Variants in ROBO1 observed in about 807,000 individuals in gnomAD.
ROBO1 encodes roundabout guidance receptor 1, also known as roundabout homolog 1.
In ROBO1, 149 loss-of-function variants were observed where a neutral mutation model predicts 195.9. The ratio of observed to expected loss-of-function variants is 0.76; its 90% CI spans 0.67 to 0.87. The LOEUF is 0.87. Ranked by LOEUF, ROBO1 falls within the 40% of genes least tolerant of loss-of-function variation. ROBO1 has a pLI of 0.00. For synonymous variants in ROBO1, 816 were observed against 733.2 expected, an observed-to-expected ratio of 1.11 and a Z score of -1.82; for missense variants, 1,933 against 2,068.3, an observed-to-expected ratio of 0.93 and a Z score of 1.27.
chr3:79,313,043 AG>A (rs1168899618), intron 2 of ROBO1, among the ~76,000 whole-genome samples: 1 of 151,886 alleles, frequency 6.6e-6, no homozygotes, highest in Non-Finnish European at 1.5e-5. Context: ...AAAAATTAGC[AG>A]GGGGCGGTGG....
At chr3:79,358,479 T>G (rs2109295834) in intron 2 of ROBO1, among the ~76,000 whole-genome samples, 1 of 152,168 alleles carries the variant, frequency 6.6e-6, no homozygotes. Flanking sequence ...CAGTTAGAAG[T>G]TAATAGTGAT....
intron 4 of ROBO1, among the ~76,000 whole-genome samples, chr3:78,910,263 A>G (rs1459485997): frequency 6.6e-6 from 1 of 151,878 alleles, no homozygotes; most frequent in Non-Finnish European, 1.5e-5. Context: ...TCACATTTCA[A>G]GCCACTTTAT....
At chr3:79,084,817 C>T (rs1053712047) in intron 3 of ROBO1, among the ~76,000 whole-genome samples, 1 of 151,858 alleles carries the variant, frequency 6.6e-6, no homozygotes, top group Non-Finnish European at 1.5e-5. Context: ...CAAGAGGATT[C>T]AGTAAAATTT....
At chr3:79,387,424 GTA>G (rs1187995383) in intron 2 of ROBO1, among the ~76,000 whole-genome samples, 1 of 150,378 alleles carries the variant, frequency 6.6e-6, no homozygotes, top group African/African-American at 2.4e-5. Flanking sequence ...CATAATTTGT[GTA>G]TATATATACA....
At chr3:79,762,081 T>C (rs1179820711) in intron 1 of ROBO1, among the ~76,000 whole-genome samples, 1 of 152,200 alleles carries the variant, frequency 6.6e-6, no homozygotes, top group Non-Finnish European at 1.5e-5. Context: ...TTAGTATCTT[T>C]AGGGTGCTAC....
At chr3:78,702,905 C>A (rs2081453375) in intron 8 of ROBO1, among the ~76,000 whole-genome samples, 1 of 152,164 alleles carries the variant, frequency 6.6e-6, no homozygotes, top group African/African-American at 2.4e-5. Flanking sequence ...TCAATTATTT[C>A]TTGTACCTGA....
intron 1 of ROBO1, among the ~76,000 whole-genome samples, chr3:79,613,207 T>C (rs936281950): frequency 1.3e-4 from 20 of 152,144 alleles, no homozygotes; most frequent in Admixed American, 1.2e-3. Flanking sequence ...ACTGCTTTAT[T>C]TGAAGGTTAA....
At chr3:78,903,966 A>G (rs1409817325) in intron 4 of ROBO1, among the ~76,000 whole-genome samples, 2 of 151,846 alleles carry the variant, frequency 1.3e-5, no homozygotes, top group African/African-American at 2.4e-5. Flanking sequence ...AAAATAGAAG[A>G]AAAAAAATTT....
chr3:78,684,436 T>A (rs1241019978), intron 10 of ROBO1, among the ~76,000 whole-genome samples: 4 of 152,148 alleles, frequency 2.6e-5, no homozygotes, highest in Admixed American at 2.0e-4. Flanking sequence ...TTGGAAATGT[T>A]CCATATCTTG....
chr3:78,977,896 C>T lies in ROBO1; in HGVS notation c.173-38969G>A, dbSNP rs1035641196. 2.8e-4 allele frequency among the ~76,000 whole-genome samples: 43 copies of T among 152,026 alleles called. 1 individual carries two copies. The highest frequency in any genetic ancestry group is 2.0e-4 in the Admixed American group (3 of 15,242). On this transcript the variant is annotated intron_variant, in intron 3 of 30. Coordinates refer to ENST00000464233, the MANE Select transcript of ROBO1 (RefSeq NM_002941.4). ...ATGTTTTTAATATCTATATAGTAAGCTGTTTTAATGTATATAAATGAATTT... is the reference window on the plus strand; with the variant it reads ...ATGTTTTTAATATCTATATAGTAAGTTGTTTTAATGTATATAAATGAATTT...
chr3:79,381,375 AAAG>A (rs2036570761), intron 2 of ROBO1, among the ~76,000 whole-genome samples: 2 of 70,142 alleles, frequency 2.9e-5, no homozygotes, highest in African/African-American at 6.9e-5. Flanking sequence ...AAAAAAAAAA[AAAG>A]AAAAGAAAAG....
intron 2 of ROBO1, among the ~76,000 whole-genome samples, chr3:79,364,041 A>G (rs1373614967): frequency 6.6e-6 from 1 of 151,868 alleles, no homozygotes; most frequent in South Asian, 2.1e-4. Context: ...CGTCTCTACT[A>G]AAAATACAAA....
intron 1 of ROBO1, among the ~76,000 whole-genome samples, chr3:79,631,256 G>A (rs1309653422): frequency 1.3e-5 from 2 of 151,676 alleles, no homozygotes; most frequent in African/African-American, 2.4e-5. Context: ...CTGTAGTAAC[G>A]AAAACAGTAT....
intron 2 of ROBO1, among the ~76,000 whole-genome samples, chr3:79,545,838 T>C (rs1335809514): frequency 3.3e-5 from 5 of 152,184 alleles, no homozygotes; most frequent in Non-Finnish European, 5.9e-5. Flanking sequence ...AATGTTTGCA[T>C]GGGTGGCCCA....
At position 78,668,511 on chromosome 3, in the gene ROBO1, T is replaced by G; in HGVS notation, c.1603A>C (p.Thr535Pro). Residue 535 changes from threonine to proline, a missense_variant, in exon 12 of 31, where the codon ACA (threonine) becomes CCA (proline). Thr to Pro is a conservative substitution (Grantham distance 38). Around this residue, in one of 3 missense-constraint regions of ROBO1, gnomAD observed 1,737 missense variants for 1,882.5 expected, o/e 0.92. Transcript: ENST00000464233. ...CIASTPSGEA[T>P]WSAYIEVQEF... ...TGAACTTCAATGTAAGCACTCCATG[T>G]TGCTTCACCACTGGGGGTTGATGCA... 6.2e-7 allele frequency: 1 copy of G among 1,613,892 alleles called. No homozygotes were observed. The highest frequency in any genetic ancestry group is 8.5e-7 in the Non-Finnish European group (1 of 1,179,812).
At chr3:78,978,689 A>G (rs1400027912) in intron 3 of ROBO1, among the ~76,000 whole-genome samples, 4 of 152,136 alleles carry the variant, frequency 2.6e-5, no homozygotes, top group African/African-American at 7.2e-5. Context: ...TTTCCATAAT[A>G]TTCTGCACGA....
At chr3:79,406,438 G>T (rs930034364) in intron 2 of ROBO1, among the ~76,000 whole-genome samples, 4 of 151,256 alleles carry the variant, frequency 2.6e-5, no homozygotes, top group Non-Finnish European at 1.5e-5. Flanking sequence ...CTCAAAAAAA[G>T]ATAATAATAA....
intron 1 of ROBO1, among the ~76,000 whole-genome samples, chr3:79,650,171 A>T (rs1288423961): frequency 6.6e-6 from 1 of 151,954 alleles, no homozygotes; most frequent in Non-Finnish European, 1.5e-5. Flanking sequence ...TCCAATAAAA[A>T]CTACAAATCT....
At chr3:79,450,335 G>GGA (rs35160191) in intron 2 of ROBO1, among the ~76,000 whole-genome samples, 88,802 of 150,524 alleles carry the variant, frequency 0.59, 26,437 homozygotes, top group African/African-American at 0.64. Flanking sequence ...AGGGTGCTGG[G>GGA]GAGAGAGGGA....
Sources: allele counts gnomAD v4.1 joint callset (sites outside exome capture counted in the v4.1 genomes callset), GRCh38; gene constraint gnomAD v4.1.1; regional missense constraint gnomAD v4.1.1; transcripts MANE v1.5; gene names NCBI Gene and HGNC (gene_info 2026-07-23, HGNC 2026-07-21).